The following SPMIP4 variants were observed in gnomAD, a reference collection of about 807,000 sequenced individuals.
SPMIP4 encodes the protein sperm microtubule inner protein 4.
chr7:25,155,228 G>A, the SPMIP4 span: 2 of 1,483,274 alleles, frequency 1.3e-6, no homozygotes, highest in South Asian at 1.4e-5. Context: ...AAAATGAAAA[G>A]AACAGAAAGA....
the SPMIP4 span, among the ~76,000 whole-genome samples, chr7:25,164,316 A>G: frequency 0.56 from 84,482 of 152,060 alleles, 23,797 homozygotes; most frequent in Non-Finnish European, 0.6. Flanking sequence ...CTGAATTGAT[A>G]ATGATGTGGT....
At chr7:25,136,011 G>T in the SPMIP4 span, 1 of 1,611,654 alleles carries the variant, frequency 6.2e-7, no homozygotes, top group Non-Finnish European at 8.5e-7. This position sits in a 1 kb window ranked among gnomAD's most constrained non-coding sequence, Gnocchi z 5.7. Flanking sequence ...CATAGAATTG[G>T]TGCTTCATCC....
chr7:25,145,153 G>C, the SPMIP4 span, among the ~76,000 whole-genome samples: 2 of 152,056 alleles, frequency 1.3e-5, no homozygotes, highest in African/African-American at 4.8e-5. Flanking sequence ...AGTAGAGACC[G>C]GGTTTCACCA....
chr7:25,148,795 T>C, the SPMIP4 span, among the ~76,000 whole-genome samples: 1 of 152,216 alleles, frequency 6.6e-6, no homozygotes. Flanking sequence ...TCTTTTTCTT[T>C]TGTTTCTCAT....
the SPMIP4 span, among the ~76,000 whole-genome samples, chr7:25,138,767 A>G: frequency 4.2e-3 from 639 of 152,360 alleles, 4 homozygotes; most frequent in Non-Finnish European, 6.6e-3. The surrounding 1 kb of genome is among the most constrained non-coding windows in gnomAD (Gnocchi z 6.2). Flanking sequence ...ACAAAAACAT[A>G]TGTCCATACA....
At chr7:25,131,385 A>G in the SPMIP4 span, among the ~76,000 whole-genome samples, 1 of 152,214 alleles carries the variant, frequency 6.6e-6, no homozygotes, top group African/African-American at 2.4e-5. The surrounding 1 kb of genome is among the most constrained non-coding windows in gnomAD (Gnocchi z 4.2). Context: ...TGATCCTAAA[A>G]TCATCCTCCC....
At chr7:25,142,255 A>C in the SPMIP4 span, 12 of 1,612,668 alleles carry the variant, frequency 7.4e-6, no homozygotes, top group Non-Finnish European at 1.0e-5. Context: ...TCTGGGTCAA[A>C]TCCTATCTTT....
At chr7:25,164,439 T>C in the SPMIP4 span, among the ~76,000 whole-genome samples, 1 of 152,104 alleles carries the variant, frequency 6.6e-6, no homozygotes, top group Non-Finnish European at 1.5e-5. Flanking sequence ...CCTAGTATTG[T>C]CTTCAGTAGC....
the SPMIP4 span, among the ~76,000 whole-genome samples, chr7:25,171,926 T>C: frequency 1.1e-4 from 16 of 152,344 alleles, no homozygotes; most frequent in African/African-American, 3.6e-4. Flanking sequence ...TGGATTGGTA[T>C]TATGGTATAT....
chr7:25,159,113 T>G, the SPMIP4 span, among the ~76,000 whole-genome samples: 1 of 152,240 alleles, frequency 6.6e-6, no homozygotes, highest in East Asian at 1.9e-4. Context: ...CTTTCTGACC[T>G]TTACTCTCAT....
the SPMIP4 span, among the ~76,000 whole-genome samples, chr7:25,164,936 G>C: frequency 2.0e-5 from 3 of 152,110 alleles, no homozygotes; most frequent in Non-Finnish European, 4.4e-5. Context: ...CTCCCTCCAG[G>C]TTGCTGTGAA....
the SPMIP4 span, among the ~76,000 whole-genome samples, chr7:25,168,115 CCATT>C: frequency 3.9e-5 from 6 of 152,266 alleles, no homozygotes; most frequent in South Asian, 1.2e-3. Flanking sequence ...ACAGCAAAAA[CCATT>C]CATTTATTAT....
At chr7:25,126,192 C>G in the SPMIP4 span, among the ~76,000 whole-genome samples, 2 of 152,180 alleles carry the variant, frequency 1.3e-5, no homozygotes, top group African/African-American at 4.8e-5. Context: ...TCCAATTATA[C>G]TTTTAGTTTG....
chr7:25,145,605 C>T, the SPMIP4 span, among the ~76,000 whole-genome samples: 33 of 152,228 alleles, frequency 2.2e-4, no homozygotes, highest in Non-Finnish European at 4.0e-4. Flanking sequence ...GATAAGCCTA[C>T]GGCAGAAAGG....
the SPMIP4 span, among the ~76,000 whole-genome samples, chr7:25,139,206 T>TA: frequency 6.6e-6 from 1 of 152,218 alleles, no homozygotes; most frequent in African/African-American, 2.4e-5. Flanking sequence ...GTTGATAATA[T>TA]ACATGCTGCA....
the SPMIP4 span, among the ~76,000 whole-genome samples, chr7:25,148,762 G>A: frequency 1.1e-4 from 17 of 152,130 alleles, no homozygotes; most frequent in Non-Finnish European, 1.8e-4. Context: ...GATTACAGGC[G>A]TGAGCCACTG....
the SPMIP4 span, among the ~76,000 whole-genome samples, chr7:25,176,713 ATTTTCATAAT>A: frequency 1.5e-4 from 23 of 152,182 alleles, no homozygotes; most frequent in Non-Finnish European, 4.4e-5. This position sits in a 1 kb window ranked among gnomAD's most constrained non-coding sequence, Gnocchi z 4.4. Context: ...CCTGTGCTTC[ATTTTCATAAT>A]TTTTCTGTTG....
chr7:25,151,810 A>G, the SPMIP4 span: 31 of 513,946 alleles, frequency 6.0e-5, no homozygotes, highest in Non-Finnish European at 9.9e-5. Context: ...ATGTAGTTAC[A>G]GCTTTAGAGA....
At chr7:25,145,922 TAG>T in the SPMIP4 span, among the ~76,000 whole-genome samples, 1 of 143,686 alleles carries the variant, frequency 7.0e-6, no homozygotes, top group East Asian at 2.1e-4. Flanking sequence ...AAAGCAAATA[TAG>T]TTTTTTTTTT....
Sources: gnomAD v4.1 joint callset for allele counts (sites outside exome capture counted in the v4.1 genomes callset) on GRCh38, gnomAD v4.1.1 for gene constraint, Gnocchi (gnomAD v3.1) non-coding constraint, MANE v1.5 for transcripts, NCBI Gene and HGNC (gene_info 2026-07-23, HGNC 2026-07-21) for gene names.